The following ATP4B variants were observed in gnomAD, a reference collection of about 807,000 sequenced individuals.
ATP4B encodes the protein ATPase H+/K+ transporting subunit beta.
A neutral mutation model predicts 35.3 loss-of-function variants in ATP4B; 27 were observed. The ratio of observed to expected loss-of-function variants is 0.76; its 90% CI spans 0.56 to 1.05. The LOEUF (loss-of-function observed/expected upper bound fraction) is 1.05. ATP4B is among the 50% of genes least tolerant of loss of function. The pLI is 0.00. For missense variants in ATP4B, 375 were observed against 384.8 expected (o/e 0.97, Z 0.21); for synonymous variants, 162 against 156.0 (o/e 1.04, Z -0.29).
At chr13:113,657,123 G>A (rs1466543264) in intron 1 of ATP4B, among the ~76,000 whole-genome samples, 1 of 152,168 alleles carries the variant, frequency 6.6e-6, no homozygotes, top group African/African-American at 2.4e-5. Context: ...ATTTGGCAGC[G>A]TGTCACGGGC....
At position 113,649,157 on chromosome 13, in the gene ATP4B, A is replaced by G. The variant is rs2049692086; in HGVS notation, c.*217T>C. ...GGACATTCTTATAGCAGCAAATTCC[A>G]TCTAAAAACTGTAAGAATTCAACAA... On this transcript the variant is annotated 3_prime_UTR_variant, in exon 7 of 7. Transcript: ENST00000335288. This position sits in a 1 kb window ranked among gnomAD's most constrained non-coding sequence, Gnocchi z 4.7. 3 of 444,358 alleles carry G rather than the reference A, an allele frequency of 6.8e-6. No individual in the cohort carries two copies. In the East Asian group the frequency reaches 1.3e-4, roughly 19 times the overall value. 27.5% of individuals were successfully genotyped at this position (444,358 alleles called of 1,614,324 possible).
Position 113,651,737 on chromosome 13 carries a change from A to T in ATP4B, c.556-10T>A. ...GGAGGAACTTGACGATCTAGAAGGG[A>T]AAAGCTTGAGCGTGGCCGCTCCCCA... On this transcript the variant is annotated splice_polypyrimidine_tract_variant and intron_variant, in intron 4 of 6. Transcript: ENST00000335288. 7 of 1,613,262 alleles carry T rather than the reference A, an allele frequency of 4.3e-6. No individual in the cohort carries two copies. Among genetic ancestry groups the T allele is most frequent in the Non-Finnish European group, 5.9e-6 (7 of 1,179,624 alleles).
At chr13:113,655,803 C>T (rs1053790296) in intron 1 of ATP4B, among the ~76,000 whole-genome samples, 30 of 152,212 alleles carry the variant, frequency 2.0e-4, no homozygotes, top group Admixed American at 2.0e-3. Context: ...CTTAGTGAGC[C>T]GTTCTCCAGT....
chr13:113,649,346 C>T lies in ATP4B; in HGVS notation c.*28G>A, dbSNP rs778529570. 19 of 1,576,962 alleles carry T rather than the reference C, an allele frequency of 1.2e-5. No individual in the cohort carries two copies. Among genetic ancestry groups the T allele is most frequent in the African/African-American group, 1.1e-4 (8 of 74,024 alleles). The stretch of plus-strand genomic sequence containing the variant: ...GGGTGTCCTTGAGCGACCCCGCAGG[C>T]GTGCCCAGGACCCCTGCGCAAACCG... On this transcript the variant is annotated 3_prime_UTR_variant, in exon 7 of 7. Transcript: ENST00000335288. The surrounding 1 kb of genome is among the most constrained non-coding windows in gnomAD (Gnocchi z 4.7).
At position 113,649,666 on chromosome 13, in the gene ATP4B, C is replaced by T; in HGVS notation, c.715-131G>A. ...CTCTTTTGTGTAAGACTGGCCCTGA[C>T]CGAGTGCATGCCCTGGAATTTGCTG... On this transcript the variant is annotated intron_variant, in intron 6 of 6. Coordinates refer to ENST00000335288, the MANE Select transcript of ATP4B (RefSeq NM_000705.4). This position sits in a 1 kb window ranked among gnomAD's most constrained non-coding sequence, Gnocchi z 4.7. The T allele has an allele frequency of 3.8e-6, 4 of 1,044,688 alleles. No homozygotes were observed. Among genetic ancestry groups the T allele is most frequent in the Non-Finnish European group, 5.2e-6 (4 of 764,688 alleles). 64.7% of individuals were successfully genotyped at this position (1,044,688 alleles called of 1,614,324 possible). A position where few individuals can be genotyped will look rare whatever the true frequency, so the allele number is the denominator to read the frequency against.
Position 113,653,330 on chromosome 13 carries a change from A to G in ATP4B, c.346T>C (p.Phe116Leu). Reference protein sequence around the residue: ...WADLTQTLHAFLAGYSPAAQE... With the variant: ...WADLTQTLHALLAGYSPAAQE... Reference sequence around the variant, plus strand: ...CCGTTTCACACCTCACCTGCTAGGAAGGCGTGGAGAGTCTGTGTGAGGTCT... The same window carrying G: ...CCGTTTCACACCTCACCTGCTAGGAGGGCGTGGAGAGTCTGTGTGAGGTCT... The change falls in exon 3 of 7, where the codon TTC becomes CTC. Residue 116 changes from phenylalanine (F) to leucine (L), a missense_variant. Transcript: ENST00000335288. The G allele has an allele frequency of 6.2e-7, 1 of 1,613,190 alleles. No homozygotes were observed. Among genetic ancestry groups the G allele is most frequent in the Non-Finnish European group, 8.5e-7 (1 of 1,179,612 alleles).
rs759126874 is a variant in ATP4B, at chr13:113,658,108, G to A, written c.37C>T (p.Arg13Cys). 7.3e-5 allele frequency: 117 copies of A among 1,612,588 alleles called. No homozygotes were observed. Among genetic ancestry groups the A allele is most frequent in the Middle Eastern group, 1.6e-4 (1 of 6,082 alleles). ...CAGTAACGCTGGAACTCCTCCATGC[G>A]CTGGCCACACGTCTTCTTCTCCTGC... Reference protein sequence around the residue: ...ALQEKKTCGQRMEEFQRYCWN... With the variant: ...ALQEKKTCGQCMEEFQRYCWN... Residue 13 changes from arginine to cysteine, a missense_variant, in exon 1 of 7, where the codon CGC becomes TGC. Coordinates refer to ENST00000335288, the MANE Select transcript of ATP4B (RefSeq NM_000705.4).
In ATP4B at chr13:113,650,577, G is replaced by C; in HGVS notation, c.613-70C>G. 4.0e-6 allele frequency: 5 copies of C among 1,236,800 alleles called. No homozygotes were observed. The highest frequency in any genetic ancestry group is 5.7e-6 in the Non-Finnish European group (5 of 871,284). 76.6% of individuals were successfully genotyped at this position (1,236,800 alleles called of 1,614,324 possible). A position where few individuals can be genotyped will look rare whatever the true frequency, so the allele number is the denominator to read the frequency against. ...GTGCCGGTGTCTGTGTGTTGCGTTT[G>C]TGTGCGTGTGTGCACACACGCGCTG... On this transcript the variant is annotated intron_variant, in intron 5 of 6. Transcript: ENST00000335288. The surrounding 1 kb of genome is among the most constrained non-coding windows in gnomAD (Gnocchi z 5.0).
chr13:113,654,365 T>C (rs1344615647), intron 2 of ATP4B, among the ~76,000 whole-genome samples: 2 of 152,172 alleles, frequency 1.3e-5, no homozygotes, highest in Non-Finnish European at 2.9e-5. Flanking sequence ...ACCCTGCTGA[T>C]GTGTAGGTGA....
At chr13:113,655,860 G>C (rs1266822319) in intron 1 of ATP4B, among the ~76,000 whole-genome samples, 2 of 152,250 alleles carry the variant, frequency 1.3e-5, no homozygotes, top group African/African-American at 4.8e-5. Flanking sequence ...AGAAGCAAGG[G>C]AGTGCAGGGC....
chr13:113,654,729 C>T, intron 2 of ATP4B, 85 bp downstream of exon 2: 2 of 1,508,220 alleles, frequency 1.3e-6, no homozygotes, highest in Non-Finnish European at 1.8e-6. Flanking sequence ...CTGGGGAGGG[C>T]ACGGGTCCCC....
intron 4 of ATP4B, chr13:113,652,560 C>T: frequency 2.3e-6 from 1 of 439,782 alleles, no homozygotes; most frequent in Non-Finnish European, 4.2e-6. Context: ...AACTTGAGGC[C>T]CCTTTACCTG....
At chr13:113,654,977 C>T (rs749025971) in intron 1 of ATP4B, 35 bp from the exon 2 acceptor site, 1 of 1,612,446 alleles carries the variant, frequency 6.2e-7, no homozygotes, top group Non-Finnish European at 8.5e-7. Flanking sequence ...TTTACCACGT[C>T]AGCCATTTTA....
In ATP4B at chr13:113,649,588, G is replaced by A; in HGVS notation, c.715-53C>T. 8 of 1,445,382 alleles carry A rather than the reference G, an allele frequency of 5.5e-6. No individual in the cohort carries two copies. The highest frequency in any genetic ancestry group is 2.8e-5 in the Admixed American group (1 of 35,168). 89.5% of individuals were successfully genotyped at this position (1,445,382 alleles called of 1,614,324 possible). A position where few individuals can be genotyped will look rare whatever the true frequency, so the allele number is the denominator to read the frequency against. ...TGTTTCAAAAATCTCTGAAGTTAAG[G>A]AGAGAAAACTAAGCAAGGAAGTGTC... On this transcript the variant is annotated intron_variant, in intron 6 of 6. Transcript: ENST00000335288. The surrounding 1 kb of genome is among the most constrained non-coding windows in gnomAD (Gnocchi z 4.7).
Position 113,650,342 on chromosome 13 carries a change from CT to C in ATP4B, c.714+63del, listed in dbSNP as rs1353620602. On this transcript the variant is annotated intron_variant, in intron 6 of 6. Transcript: ENST00000335288. This position sits in a 1 kb window ranked among gnomAD's most constrained non-coding sequence, Gnocchi z 5.0. ...CTACATGAAGGGGCTTATTGCTTTC[CT>C]TTCGCTAAGTGTGAGAGGACTCAGC... The C allele has an allele frequency of 8.0e-6, 12 of 1,493,172 alleles. No individual in the cohort carries two copies. The highest frequency in any genetic ancestry group is 1.4e-5 in the African/African-American group (1 of 72,308). The allele number at this position is 1,493,172 out of a possible 1,614,324, so 92.5% of individuals were successfully genotyped here. A position where few individuals can be genotyped will look rare whatever the true frequency, so the allele number is the denominator to read the frequency against.
In ATP4B at chr13:113,652,648, G is replaced by A. The variant is rs993004422; in HGVS notation, c.555+225C>T. 3.3e-5 allele frequency: 21 copies of A among 642,798 alleles called. No individual in the cohort carries two copies. In the African/African-American group the frequency reaches 3.6e-4, roughly 11 times the overall value. The allele number at this position is 642,798 out of a possible 1,614,324, so 39.8% of individuals were successfully genotyped here. On this transcript the variant is annotated intron_variant, in intron 4 of 6. Transcript: ENST00000335288. Reference sequence around the variant, plus strand: ...TGTTCAAATGTTTCCACATGTTTTAGAGGGCCGGCTATGTGCTGGTGTCTG... The same window carrying A: ...TGTTCAAATGTTTCCACATGTTTTAAAGGGCCGGCTATGTGCTGGTGTCTG...
intron 2 of ATP4B, 63 bp downstream of exon 2, chr13:113,654,751 A>G (rs1054048726): frequency 1.9e-6 from 3 of 1,570,994 alleles, no homozygotes; most frequent in South Asian, 1.2e-5. Context: ...GGGCGTCTCC[A>G]GAGCCGAGGA....
At chr13:113,657,233 T>A (rs980255627) in intron 1 of ATP4B, among the ~76,000 whole-genome samples, 2 of 152,030 alleles carry the variant, frequency 1.3e-5, no homozygotes, top group Admixed American at 6.5e-5. Flanking sequence ...ACCGTGGGAA[T>A]TGAGGAGGGC....
Position 113,651,662 on chromosome 13 carries a change from C to G in ATP4B, c.612+9G>C. ...GGGGCAGCCCTGCCCGCCGCGCGGC[C>G]GTACTCACCAGGAAGGCGCAGTCCA... On this transcript the variant is annotated intron_variant, in intron 5 of 6. Coordinates refer to ENST00000335288, the MANE Select transcript of ATP4B (RefSeq NM_000705.4). The G allele has an allele frequency of 6.2e-7, 1 of 1,609,892 alleles. No homozygotes were observed. Among genetic ancestry groups the G allele is most frequent in the Non-Finnish European group, 8.5e-7 (1 of 1,177,676 alleles).
Sources: allele counts gnomAD v4.1 joint callset (sites outside exome capture counted in the v4.1 genomes callset), GRCh38; gene constraint gnomAD v4.1.1; non-coding constraint Gnocchi (gnomAD v3.1); transcripts MANE v1.5; gene names NCBI Gene and HGNC (gene_info 2026-07-23, HGNC 2026-07-21).